Variants in RP1 observed in about 807,000 individuals in gnomAD.
RP1 encodes the protein oxygen-regulated protein 1.
RP1 carries 16 observed loss-of-function variants against 14.8 expected under a neutral mutation model. The ratio of observed to expected loss-of-function variants is 1.08; its 90% CI spans 0.73 to 1.65. The LOEUF (loss-of-function observed/expected upper bound fraction) is 1.65, where lower values mean the gene tolerates loss of function less well. Among genes scored for constraint, RP1 ranks in the 40% most tolerant of loss-of-function variants. The pLI is 0.00. For synonymous variants in RP1, 876 were observed against 883.6 expected, an observed-to-expected ratio of 0.99 and a Z score of 0.15; for missense variants, 2,631 against 2,535.0, an observed-to-expected ratio of 1.04 and a Z score of -0.81.
In RP1 at chr8:54,677,659, C is replaced by G. The variant is rs527887560; in HGVS notation, c.1403-802C>G. On this transcript the variant is annotated intron_variant, in intron 8 of 22. Coordinates refer to the RP1 transcript ENST00000636932. ...GGAAGATTGCTTGAGTTCAGGAGTTCAAGGCTATGGTGAACTGTGATTGCA... is the reference window on the plus strand; with the variant it reads ...GGAAGATTGCTTGAGTTCAGGAGTTGAAGGCTATGGTGAACTGTGATTGCA... Among the ~76,000 whole-genome samples the G allele has an allele frequency of 2.4e-4, 36 of 152,196 alleles. 1 individual carries two copies. Among genetic ancestry groups the G allele is most frequent in the Middle Eastern group, 3.4e-3 (1 of 294 alleles).
rs534101360 is a variant in RP1, at chr8:54,859,076, C to A, written c.4069+1970C>A. Among the ~76,000 whole-genome samples the A allele has an allele frequency of 2.6e-5, 4 of 152,092 alleles. No homozygotes were observed. The South Asian group carries it at 6.2e-4, about 24-fold the overall frequency. On this transcript the variant is annotated intron_variant, in intron 27 of 28. Transcript: ENST00000637698. ...AGAGCAGCTCACTGCAGAGGGGTGT[C>A]ATTATAGAGTTGTTTCACTGCAGAG... is the stretch of plus-strand genomic sequence containing the variant.
chr8:54,738,150 T>G (rs1288856723), intron 18 of RP1, among the ~76,000 whole-genome samples: 1 of 152,242 alleles, frequency 6.6e-6, no homozygotes, highest in African/African-American at 2.4e-5. Context: ...TTGTTTATTG[T>G]TTTAATATAC....
chr8:54,598,494 A>G (rs1352214498), intron 1 of RP1, among the ~76,000 whole-genome samples: 3 of 152,212 alleles, frequency 2.0e-5, no homozygotes, highest in Non-Finnish European at 2.9e-5. Context: ...TTCAATTGTC[A>G]AAAACAATTT....
intron 24 of RP1, among the ~76,000 whole-genome samples, chr8:54,819,351 T>A (rs1045171064): frequency 6.6e-6 from 1 of 152,122 alleles, no homozygotes; most frequent in African/African-American, 2.4e-5. Context: ...TCTGATAGGA[T>A]ACTGAATTCC....
intron 12 of RP1, among the ~76,000 whole-genome samples, chr8:54,694,051 G>T (rs149556023): frequency 0.023 from 3,426 of 152,164 alleles, 134 homozygotes; most frequent in African/African-American, 0.077. Context: ...TTTGCCAAAG[G>T]CCTTTTCTGC....
intron 12 of RP1, among the ~76,000 whole-genome samples, chr8:54,685,543 A>G (rs984940660): frequency 1.3e-5 from 2 of 152,126 alleles, no homozygotes; most frequent in African/African-American, 4.8e-5. Flanking sequence ...GTTCTTTTGC[A>G]TTTACTGAGG....
At chr8:54,680,824 G>C (rs1807409086) in intron 12 of RP1, among the ~76,000 whole-genome samples, 1 of 152,048 alleles carries the variant, frequency 6.6e-6, no homozygotes, top group African/African-American at 2.4e-5. Flanking sequence ...CGGGCGTGGT[G>C]GTGGGTACCT....
intron 7 of RP1, chr8:54,663,988 C>A (rs1426776035): frequency 6.1e-6 from 5 of 820,372 alleles, no homozygotes; most frequent in Non-Finnish European, 8.6e-6. Flanking sequence ...TTCTGTGCAA[C>A]AGATCATCAG....
intron 24 of RP1, among the ~76,000 whole-genome samples, chr8:54,830,068 T>G (rs1446408285): frequency 6.6e-6 from 1 of 152,188 alleles, no homozygotes; most frequent in Non-Finnish European, 1.5e-5. Flanking sequence ...ATAGTATTGA[T>G]AGTGTTCTAT....
intron 12 of RP1, among the ~76,000 whole-genome samples, chr8:54,694,709 T>C (rs1177193115): frequency 6.6e-6 from 1 of 152,194 alleles, no homozygotes; most frequent in Non-Finnish European, 1.5e-5. Flanking sequence ...TTCTTCTGTC[T>C]TTTCTTTTTT....
At chr8:54,746,924 G>A (rs1423876631) in intron 19 of RP1, among the ~76,000 whole-genome samples, 7 of 152,026 alleles carry the variant, frequency 4.6e-5, no homozygotes, top group South Asian at 2.1e-4. Context: ...AGTCTTGTTC[G>A]TCTGAGAAGA....
chr8:54,693,804 C>T (rs1317688732), intron 12 of RP1, among the ~76,000 whole-genome samples: 1 of 152,098 alleles, frequency 6.6e-6, no homozygotes, highest in Non-Finnish European at 1.5e-5. Context: ...ATTGAATACC[C>T]TTTATTTCCT....
intron 1 of RP1, among the ~76,000 whole-genome samples, chr8:54,610,627 T>A (rs439658): frequency 6.6e-6 from 1 of 152,084 alleles, no homozygotes; most frequent in South Asian, 2.1e-4. Context: ...CCTCTCCATC[T>A]GAATAATTAG....
intron 15 of RP1, among the ~76,000 whole-genome samples, chr8:54,717,353 A>G (rs1383349306): frequency 1.3e-5 from 2 of 152,182 alleles, no homozygotes; most frequent in African/African-American, 4.8e-5. Context: ...TTAGTAGGTA[A>G]GAGAGCCTTG....
Position 54,860,412 on chromosome 8 carries a change from G to A in RP1, c.4069+3306G>A, listed in dbSNP as rs1812317482. Among the ~76,000 whole-genome samples the A allele has an allele frequency of 2.0e-5, 3 of 151,954 alleles. 1 individual carries two copies. Among genetic ancestry groups the A allele is most frequent in the African/African-American group, 7.3e-5 (3 of 41,298 alleles). On this transcript the variant is annotated intron_variant, in intron 27 of 28. Transcript: ENST00000637698. Reference sequence around the variant, plus strand: ...TTTAACCCAAATACAGTTATGTCTAGGGTTATCTAACCACAAATGGAATAT... The same window carrying A: ...TTTAACCCAAATACAGTTATGTCTAAGGTTATCTAACCACAAATGGAATAT...
chr8:54,679,494 C>A, exon 10 of RP1: 3 of 1,535,748 alleles, frequency 2.0e-6, no homozygotes, highest in Non-Finnish European at 2.6e-6. Context: ...ATCTTCTCTG[C>A]GAGTAGGTAT....
intron 1 of RP1, among the ~76,000 whole-genome samples, chr8:54,609,131 G>T (rs1264303762): frequency 6.6e-6 from 1 of 152,172 alleles, no homozygotes; most frequent in Non-Finnish European, 1.5e-5. Flanking sequence ...GATCATAGCA[G>T]ATCAATGCTG....
chr8:54,731,206 C>A (rs1343433135), intron 17 of RP1, among the ~76,000 whole-genome samples: 1 of 152,132 alleles, frequency 6.6e-6, no homozygotes, highest in Admixed American at 6.5e-5. Context: ...CTTCAGTGGA[C>A]TAGCAGCAAC....
At chr8:54,721,557 G>A (rs1808537193) in intron 16 of RP1, among the ~76,000 whole-genome samples, 1 of 152,168 alleles carries the variant, frequency 6.6e-6, no homozygotes, top group South Asian at 2.1e-4. Flanking sequence ...GTAATTTGTG[G>A]CAAGACATAA....
Sources: allele counts gnomAD v4.1 joint callset (sites outside exome capture counted in the v4.1 genomes callset), GRCh38; gene constraint gnomAD v4.1.1; transcripts MANE v1.5; gene names NCBI Gene and HGNC (gene_info 2026-07-23, HGNC 2026-07-21).